The following CFAP65 variants were observed in gnomAD, a reference collection of about 807,000 sequenced individuals.
CFAP65 encodes cilia- and flagella-associated protein 65.
Under a neutral mutation model 208.0 loss-of-function variants are expected in CFAP65, and 155 were observed. The observed-to-expected ratio is 0.75, with a 90% CI of 0.65 to 0.85. CFAP65 has a LOEUF of 0.85. Among genes scored for constraint, CFAP65 ranks in the 40% least tolerant of loss-of-function variants. CFAP65 has a pLI of 0.00. For missense variants in CFAP65, 2,294 were observed against 2,451.3 expected (o/e 0.94, Z 1.36); for synonymous variants, 970 against 986.3 (o/e 0.98, Z 0.31).
chr2:219,022,551 T>A (rs1243165428), intron 16 of CFAP65, among the ~76,000 whole-genome samples: 1 of 152,190 alleles, frequency 6.6e-6, no homozygotes, highest in Non-Finnish European at 1.5e-5. Context: ...CATTTTCTGA[T>A]GAGAAACTGA....
In CFAP65 at chr2:219,024,049, T is replaced by C. The variant is rs781190337; in HGVS notation, c.2561A>G (p.Tyr854Cys). The change falls in exon 15 of 35, where the codon TAT becomes TGT. Residue 854 changes from tyrosine (Y) to cysteine (C), a missense_variant. Physicochemically the swap from Tyr to Cys is radical, Grantham distance 194. This residue lies in a region of CFAP65 where 1,427 missense variants were observed against 1,438.7 expected (regional missense o/e 0.99). Coordinates refer to ENST00000341552, the MANE Select transcript of CFAP65 (RefSeq NM_194302.4). ...EGSSWKQHTFYLQCNASPQYL... is the reference protein window; with the variant it reads ...EGSSWKQHTFCLQCNASPQYL... ...CTGGGGGGAAGCATTGCACTGCAGATAGAAAGTGTGCTGCTTCCAGGAGCT... is the reference window on the plus strand; with the variant it reads ...CTGGGGGGAAGCATTGCACTGCAGACAGAAAGTGTGCTGCTTCCAGGAGCT... The C allele has an allele frequency of 6.2e-7, 1 of 1,613,940 alleles. No homozygotes were observed. Among genetic ancestry groups the C allele is most frequent in the South Asian group, 1.1e-5 (1 of 91,086 alleles).
intron 29 of CFAP65, among the ~76,000 whole-genome samples, chr2:219,008,317 CT>C (rs1474970432): frequency 1.3e-5 from 2 of 152,328 alleles, no homozygotes; most frequent in East Asian, 3.9e-4. Flanking sequence ...ACCCCCACTT[CT>C]TACAGCTGAA....
chr2:219,026,440 G>A (rs918515526), intron 13 of CFAP65: 8 of 308,852 alleles, frequency 2.6e-5, no homozygotes, highest in African/African-American at 1.3e-4. Context: ...GTAAGAATGA[G>A]CCTAGAGAAG....
chr2:219,006,033 T>C lies in CFAP65; in HGVS notation c.4910A>G (p.His1637Arg). Residue 1637 changes from histidine to arginine, a missense_variant, in exon 31 of 35, where the codon CAC (histidine) becomes CGC (arginine). Physicochemically the swap from His to Arg is conservative, Grantham distance 29. This residue lies in a region of CFAP65 where 1,427 missense variants were observed against 1,438.7 expected (regional missense o/e 0.99). Coordinates refer to ENST00000341552, the MANE Select transcript of CFAP65 (RefSeq NM_194302.4). ...LANFFSEFPCHFLHRELPKRK... is the reference protein window; with the variant it reads ...LANFFSEFPCRFLHRELPKRK... ...CCCAAGAGCTTACCGGTGCAAAAAG[T>C]GGCAGGGAAACTCTGAGAAGAAGTT... is the stretch of plus-strand genomic sequence containing the variant. 6.2e-7 allele frequency: 1 copy of C among 1,613,216 alleles called. No individual in the cohort carries two copies. The highest frequency in any genetic ancestry group is 8.5e-7 in the Non-Finnish European group (1 of 1,180,016).
intron 3 of CFAP65, 134 bp from the exon 4 acceptor site, chr2:219,038,712 C>T: frequency 9.0e-7 from 1 of 1,111,892 alleles, no homozygotes; most frequent in Non-Finnish European, 1.3e-6. Flanking sequence ...TGCTACCTGG[C>T]ACCATGAGGA....
chr2:219,008,936 G>T, intron 29 of CFAP65, 111 bp downstream of exon 29: 1 of 760,140 alleles, frequency 1.3e-6, no homozygotes. Flanking sequence ...ATCTCTTAGG[G>T]CAGGCTGGCT....
chr2:219,035,466 C>T lies in CFAP65; in HGVS notation c.542+14G>A. The T allele has an allele frequency of 6.2e-7, 1 of 1,614,018 alleles. No individual in the cohort carries two copies. The highest frequency in any genetic ancestry group is 8.5e-7 in the Non-Finnish European group (1 of 1,180,010). ...AGGCTGTGGCACTGGGTCCTTGATCCCTTATACTGGTACCTGTACTTCATC... is the reference window on the plus strand; with the variant it reads ...AGGCTGTGGCACTGGGTCCTTGATCTCTTATACTGGTACCTGTACTTCATC... On this transcript the variant is annotated intron_variant, in intron 5 of 34. Transcript: ENST00000341552.
Position 219,008,136 on chromosome 2 carries a change from C to A in CFAP65, c.4674+911G>T, listed in dbSNP as rs372232977. 2.6e-5 allele frequency among the ~76,000 whole-genome samples: 4 copies of A among 152,168 alleles called. No individual in the cohort carries two copies. The East Asian group carries it at 7.7e-4, about 29-fold the overall frequency. On this transcript the variant is annotated intron_variant, in intron 29 of 34. Transcript: ENST00000341552. The stretch of plus-strand genomic sequence containing the variant: ...GCCCAGCCTAGACTTTTATCTTTAA[C>A]CTTTTTAATATGGAAAATTTCAAAC...
rs754808536 is a variant in CFAP65 at position 219,027,821 on chromosome 2, G to A, written c.2040C>T (p.Thr680=). Residue 680 remains threonine (T), a synonymous_variant, in exon 13 of 35, where the codon ACC becomes ACT. Transcript: ENST00000341552. The part of the protein sequence containing the change: ...NPVPLCLMNH[T]KGKIMVVWTR... The stretch of plus-strand genomic sequence containing the variant: ...TCCAGACCACCATGATCTTGCCCTT[G>A]GTGTGGTTCATCAGGCACAGGGGTA... The A allele has an allele frequency of 5.6e-6, 9 of 1,607,380 alleles. No homozygotes were observed. The highest frequency in any genetic ancestry group is 7.7e-6 in the Non-Finnish European group (9 of 1,175,468).
rs1945678439 is a variant in CFAP65 at position 219,002,979 on chromosome 2, C to G, written c.5736G>C (p.Glu1912Asp). ...PDTLLPTQQA[E>D]VLHPVVPLPT... ...GAAGTGGCACCACCGGGTGGAGTAC[C>G]TCTGCTTGCTGCGTCGGCAGCAGCG... is the stretch of plus-strand genomic sequence containing the variant. Residue 1912 changes from glutamate (E) to aspartate (D), a missense_variant, in exon 35 of 35, where the codon GAG (glutamate) becomes GAC (aspartate). By Grantham distance (45) the Glu-to-Asp change is conservative (BLOSUM62 2). Coordinates refer to ENST00000341552, the MANE Select transcript of CFAP65 (RefSeq NM_194302.4). This position sits in a 1 kb window ranked among gnomAD's most constrained non-coding sequence, Gnocchi z 7.9. 6.4e-7 allele frequency: 1 copy of G among 1,565,732 alleles called. No homozygotes were observed. The highest frequency in any genetic ancestry group is 1.3e-5 in the African/African-American group (1 of 74,344).
intron 12 of CFAP65, 81 bp from the exon 13 acceptor site, chr2:219,028,090 A>G: frequency 1.3e-6 from 2 of 1,542,820 alleles, no homozygotes; most frequent in Middle Eastern, 1.8e-4. Context: ...TCCTGTCTAG[A>G]AAGGCTACAC....
intron 4 of CFAP65, among the ~76,000 whole-genome samples, chr2:219,036,787 T>C (rs1948392423): frequency 2.6e-5 from 4 of 152,214 alleles, no homozygotes; most frequent in East Asian, 1.9e-4. Context: ...TTTATATTGT[T>C]GCATAATATA....
intron 5 of CFAP65, 190 bp downstream of exon 5, chr2:219,035,290 A>G: frequency 6.7e-7 from 1 of 1,494,108 alleles, no homozygotes; most frequent in Non-Finnish European, 8.9e-7. Context: ...ACACATTGGG[A>G]CACTATACCA....
rs547880566 is a variant in CFAP65, at chr2:219,011,201, A to G, written c.3958-205T>C. On this transcript the variant is annotated intron_variant, in intron 24 of 34. Coordinates refer to ENST00000341552, the MANE Select transcript of CFAP65 (RefSeq NM_194302.4). ...ATATTTTAGGATAATCTGTAATCTT[A>G]TTTGTAAAGGAGTAGCTTATTTTAT... is the stretch of plus-strand genomic sequence containing the variant. Among the ~76,000 whole-genome samples the G allele has an allele frequency of 2.7e-5, 4 of 146,852 alleles. No individual in the cohort carries two copies. In the East Asian group the frequency reaches 8.1e-4, roughly 30 times the overall value.
Position 219,010,660 on chromosome 2 carries a change from G to A in CFAP65, c.4194C>T (p.Ile1398=), listed in dbSNP as rs1293093164. ...IHILGWNSAL[I]HFQGVGYNPH... ...GGTTGTAGCCCACTCCCTGGAAGTG[G>A]ATGAGGGCCGAGTTCCATCCCAGGA... The change falls in exon 26 of 35, where the codon ATC becomes ATT. Residue 1398 remains isoleucine (I), a synonymous_variant. Coordinates refer to ENST00000341552, the MANE Select transcript of CFAP65 (RefSeq NM_194302.4). 1 of 1,610,678 alleles carries A rather than the reference G, an allele frequency of 6.2e-7. No individual in the cohort carries two copies. The highest frequency in any genetic ancestry group is 1.3e-5 in the African/African-American group (1 of 74,936).
In CFAP65 at chr2:219,028,986, G is replaced by A. The variant is rs75278448; in HGVS notation, c.1650+417C>T. On this transcript the variant is annotated intron_variant, in intron 11 of 34. Coordinates refer to ENST00000341552, the MANE Select transcript of CFAP65 (RefSeq NM_194302.4). ...GCACAATGTGTCTGATCATGCCCAG[G>A]GACCTAGGGTTGGGGTCTAACTTGA... 6.5e-3 allele frequency among the ~76,000 whole-genome samples: 988 copies of A among 152,344 alleles called. 7 individuals are homozygous for A. The highest frequency in any genetic ancestry group is 0.01 in the Non-Finnish European group (703 of 68,024).
At chr2:219,024,305 A>G in intron 14 of CFAP65, 45 bp from the exon 15 acceptor site, 1 of 1,572,330 alleles carries the variant, frequency 6.4e-7, no homozygotes, top group Non-Finnish European at 8.6e-7. Flanking sequence ...TCAGACCTCC[A>G]CCCTGGGACA....
chr2:219,021,245 G>T lies in CFAP65; in HGVS notation c.3166C>A (p.Pro1056Thr), dbSNP rs768529418. 18 of 1,607,342 alleles carry T rather than the reference G, an allele frequency of 1.1e-5. No homozygotes were observed. The Admixed American group carries it at 3.0e-4, about 27-fold the overall frequency. The change falls in exon 19 of 35, where the codon CCC becomes ACC. Residue 1056 changes from proline to threonine, a missense_variant. Around this residue, in one of 2 missense-constraint regions of CFAP65, gnomAD observed 1,427 missense variants for 1,438.7 expected, o/e 0.99. Transcript: ENST00000341552. ...QLDRTEGSMP[P>T]RSQDTICLTA... ...AGGCAGATGGTGTCCTGGGACCGGG[G>T]TGGCATGCTCCCCTCTGTTCGGTCC...
Position 219,023,347 on chromosome 2 carries a change from C to T in CFAP65, c.2680G>A (p.Gly894Ser), listed in dbSNP as rs1170468206. The T allele has an allele frequency of 1.2e-6, 2 of 1,610,768 alleles. No homozygotes were observed. The highest frequency in any genetic ancestry group is 1.3e-5 in the African/African-American group (1 of 74,910). Residue 894 changes from glycine to serine, a missense_variant, in exon 16 of 35, where the codon GGC becomes AGC. This residue lies in a region of CFAP65 where 1,427 missense variants were observed against 1,438.7 expected (regional missense o/e 0.99). Transcript: ENST00000341552. ...GTGAAGGGGCTGGTGGAGGAGCAGC[C>T]CACCCAGGTGGGCTTGAAGTAGAGG... ...KSLYFKPTWV[G>S]CSSTSPFTFR...
Sources: gnomAD v4.1 joint callset for allele counts (sites outside exome capture counted in the v4.1 genomes callset) on GRCh38, gnomAD v4.1.1 for gene constraint, gnomAD v4.1.1 regional missense constraint, Gnocchi (gnomAD v3.1) non-coding constraint, MANE v1.5 for transcripts, NCBI Gene and HGNC (gene_info 2026-07-23, HGNC 2026-07-21) for gene names.